The following PHF24 variants were observed in gnomAD, a reference collection of about 807,000 sequenced individuals.
The protein encoded by PHF24 is PHD finger protein 24.
PHF24 carries 25 observed loss-of-function variants against 42.6 expected under a neutral mutation model. That is an observed-to-expected ratio of 0.59 (90% CI 0.43 to 0.82). The LOEUF is 0.82. Among genes scored for constraint, PHF24 ranks in the 40% least tolerant of loss-of-function variants. The pLI is 0.00. For synonymous variants in PHF24, 185 were observed against 204.8 expected (o/e 0.90, Z 0.83); for missense variants, 470 against 538.1 (o/e 0.87, Z 1.25).
the PHF24 span, among the ~76,000 whole-genome samples, chr9:34,936,143 C>T: frequency 6.6e-6 from 1 of 152,048 alleles, no homozygotes; most frequent in Non-Finnish European, 1.5e-5. Flanking sequence ...GTACTGCCGC[C>T]ATCTCGGCTC....
At chr9:34,921,285 CA>C in the PHF24 span, among the ~76,000 whole-genome samples, 1 of 149,550 alleles carries the variant, frequency 6.7e-6, no homozygotes, top group Non-Finnish European at 1.5e-5. Flanking sequence ...AGACATTAAA[CA>C]AAGGTAGCCA....
chr9:34,963,373 G>A lies in PHF24; in HGVS notation c.-5+4972G>A, dbSNP rs185131308. 3.9e-3 allele frequency among the ~76,000 whole-genome samples: 583 copies of A among 149,288 alleles called. 5 individuals are homozygous for A. Among genetic ancestry groups the A allele is most frequent in the Non-Finnish European group, 5.9e-3 (396 of 67,618 alleles). On this transcript the variant is annotated intron_variant, in intron 1 of 7. Coordinates refer to ENST00000242315, the Ensembl canonical transcript of PHF24. ...TTTTGTTTTTTTACAGACCCTGGTTGTGTTGATTTTCCACACTCTTGCAGC... is the reference window on the plus strand; with the variant it reads ...TTTTGTTTTTTTACAGACCCTGGTTATGTTGATTTTCCACACTCTTGCAGC...
chr9:34,935,307 C>T, the PHF24 span, among the ~76,000 whole-genome samples: 2 of 152,198 alleles, frequency 1.3e-5, no homozygotes, highest in East Asian at 1.9e-4. Context: ...AGAATGGAAC[C>T]GGGCGCAGTG....
the PHF24 span, among the ~76,000 whole-genome samples, chr9:34,696,064 T>G: frequency 6.6e-6 from 1 of 152,316 alleles, no homozygotes; most frequent in Admixed American, 6.5e-5. Flanking sequence ...ATAAAGTACC[T>G]GAGGCACTTA....
At chr9:34,838,324 C>A in the PHF24 span, 28 of 743,002 alleles carry the variant, frequency 3.8e-5, no homozygotes, top group Non-Finnish European at 6.4e-5. Flanking sequence ...TTAATTAGTT[C>A]AGTTGGAATC....
chr9:34,818,527 C>G, the PHF24 span, among the ~76,000 whole-genome samples: 1 of 152,154 alleles, frequency 6.6e-6, no homozygotes, highest in Non-Finnish European at 1.5e-5. Context: ...TGGCGTACCC[C>G]CACTTAGTCA....
At chr9:34,890,302 A>T in the PHF24 span, among the ~76,000 whole-genome samples, 1 of 152,132 alleles carries the variant, frequency 6.6e-6, no homozygotes, top group Admixed American at 6.5e-5. Flanking sequence ...GCTGCTTTGA[A>T]TGTCATCAAA....
chr9:34,680,687 C>CAAAA, the PHF24 span, among the ~76,000 whole-genome samples: 5 of 124,634 alleles, frequency 4.0e-5, no homozygotes, highest in African/African-American at 1.5e-4. Context: ...GACTCCGTCT[C>CAAAA]AAAAAAAAAA....
the PHF24 span, among the ~76,000 whole-genome samples, chr9:34,731,808 C>T: frequency 6.6e-6 from 1 of 152,008 alleles, no homozygotes; most frequent in Non-Finnish European, 1.5e-5. Flanking sequence ...TGGTTGTATA[C>T]CTAGCAGTGG....
the PHF24 span, chr9:34,710,006 T>C: frequency 6.2e-7 from 1 of 1,613,918 alleles, no homozygotes; most frequent in African/African-American, 1.3e-5. Context: ...GTACCTTGGG[T>C]CCTGGGGATG....
the PHF24 span, among the ~76,000 whole-genome samples, chr9:34,935,591 C>G: frequency 2.5e-5 from 1 of 39,390 alleles, no homozygotes; most frequent in Non-Finnish European, 4.8e-5. Flanking sequence ...GAGACTTCAT[C>G]TGAAAAAAAA....
chr9:34,939,673 A>G, the PHF24 span, among the ~76,000 whole-genome samples: 1 of 152,210 alleles, frequency 6.6e-6, no homozygotes, highest in Non-Finnish European at 1.5e-5. Context: ...TGTGTTTAGA[A>G]CACAGCACCA....
the PHF24 span, among the ~76,000 whole-genome samples, chr9:34,855,859 A>G: frequency 6.6e-6 from 1 of 152,188 alleles, no homozygotes. Flanking sequence ...GATATCCTGA[A>G]GCATGTTTTC....
chr9:34,950,263 G>A, the PHF24 span, among the ~76,000 whole-genome samples: 3 of 150,184 alleles, frequency 2.0e-5, no homozygotes, highest in African/African-American at 7.4e-5. Context: ...CAGGGGAATC[G>A]CGTAAACCCA....
At chr9:34,715,644 G>A in the PHF24 span, among the ~76,000 whole-genome samples, 1 of 152,228 alleles carries the variant, frequency 6.6e-6, no homozygotes. Context: ...TGGCCTAGGT[G>A]CAGAGGAGTG....
the PHF24 span, among the ~76,000 whole-genome samples, chr9:34,885,010 C>T: frequency 1.1e-4 from 17 of 152,330 alleles, no homozygotes; most frequent in South Asian, 2.1e-4. Context: ...ACATTAACCC[C>T]GGATTCCCAC....
At chr9:34,687,103 T>C in the PHF24 span, among the ~76,000 whole-genome samples, 3 of 152,008 alleles carry the variant, frequency 2.0e-5, no homozygotes, top group Non-Finnish European at 4.4e-5. Context: ...ATGGAAAGCA[T>C]TGGCTGTAGA....
chr9:34,822,210 C>T, the PHF24 span, among the ~76,000 whole-genome samples: 5 of 151,964 alleles, frequency 3.3e-5, no homozygotes, highest in South Asian at 2.1e-4. Context: ...TTACATTTAC[C>T]GACATAGTTA....
At chr9:34,924,957 A>G in the PHF24 span, among the ~76,000 whole-genome samples, 2 of 152,194 alleles carry the variant, frequency 1.3e-5, no homozygotes, top group South Asian at 4.1e-4. Context: ...TGTGAGTTTT[A>G]TAGTTTCACA....
Sources: gnomAD v4.1 joint callset for allele counts (sites outside exome capture counted in the v4.1 genomes callset) on GRCh38, gnomAD v4.1.1 for gene constraint, MANE v1.5 for transcripts, NCBI Gene and HGNC (gene_info 2026-07-23, HGNC 2026-07-21) for gene names.